Variants in COL3A1 observed in about 807,000 individuals in gnomAD.
COL3A1 encodes collagen alpha-1(III) chain.
A neutral mutation model predicts 200.9 loss-of-function variants in COL3A1; 46 were observed. The observed-to-expected ratio is 0.23, with a 90% CI of 0.18 to 0.29. The LOEUF is 0.29. Ranked by LOEUF, COL3A1 falls within the 10% of genes least tolerant of loss-of-function variation. The pLI, the probability that COL3A1 is intolerant of heterozygous loss-of-function variation, is 1.00. For synonymous variants in COL3A1, 650 were observed against 628.0 expected, an observed-to-expected ratio of 1.03 and a Z score of -0.52; for missense variants, 1,367 against 1,917.6, an observed-to-expected ratio of 0.71 and a Z score of 5.36.
intron 15 of COL3A1, 54 bp from the exon 16 acceptor site, chr2:188,993,307 G>T: frequency 7.0e-7 from 1 of 1,437,792 alleles, no homozygotes; most frequent in Non-Finnish European, 9.6e-7. Flanking sequence ...GGGTGAAGTG[G>T]CTAAGTGAGT....
At chr2:188,990,819 A>G (rs898854535) in intron 10 of COL3A1, among the ~76,000 whole-genome samples, 185 bp from the exon 11 acceptor site, 1 of 152,242 alleles carries the variant, frequency 6.6e-6, no homozygotes, top group African/African-American at 2.4e-5. Context: ...TCTAGTTTTC[A>G]TGTTTTCCTG....
intron 49 of COL3A1, 108 bp downstream of exon 49, chr2:189,010,473 C>T: frequency 6.7e-7 from 1 of 1,492,374 alleles, no homozygotes; most frequent in Non-Finnish European, 9.3e-7. Flanking sequence ...AACATAATTG[C>T]AGTTTTTGCT....
intron 1 of COL3A1, among the ~76,000 whole-genome samples, chr2:188,982,793 A>G (rs973072587): frequency 6.6e-6 from 1 of 151,896 alleles, no homozygotes; most frequent in African/African-American, 2.4e-5. Flanking sequence ...TAAGTGGTTC[A>G]TTTTGAGAAA....
At chr2:188,988,366 A>T (rs1466575922) in intron 6 of COL3A1, among the ~76,000 whole-genome samples, 1 of 152,160 alleles carries the variant, frequency 6.6e-6, no homozygotes, top group African/African-American at 2.4e-5. Flanking sequence ...ATTTGCATGT[A>T]ATATGACTTT....
intron 1 of COL3A1, among the ~76,000 whole-genome samples, chr2:188,982,406 C>A (rs1255959800): frequency 6.6e-6 from 1 of 151,626 alleles, no homozygotes; most frequent in Non-Finnish European, 1.5e-5. Context: ...TGTGAGGACA[C>A]CCTTAATGAG....
chr2:188,990,471 T>A, intron 10 of COL3A1, 111 bp downstream of exon 10: 1 of 923,290 alleles, frequency 1.1e-6, no homozygotes. Context: ...TGACAATTAA[T>A]TAATTTGATA....
In COL3A1 at chr2:188,996,110, A is replaced by T. The variant is rs773150275; in HGVS notation, c.1609-15A>T. The T allele has an allele frequency of 6.2e-7, 1 of 1,612,700 alleles. No homozygotes were observed. The highest frequency in any genetic ancestry group is 8.5e-7 in the Non-Finnish European group (1 of 1,179,044). ...TTCATTTTAAATCACCTAACAACTGACTTCTTTACTTCAGGGCATGCCCGG... is the reference window on the plus strand; with the variant it reads ...TTCATTTTAAATCACCTAACAACTGTCTTCTTTACTTCAGGGCATGCCCGG... On this transcript the variant is annotated splice_polypyrimidine_tract_variant and intron_variant, in intron 22 of 50. Transcript: ENST00000304636.
chr2:189,006,416 C>A lies in COL3A1; in HGVS notation c.3165C>A (p.Val1055=). The part of the protein sequence containing the change: ...APGHPGPPGP[V]GPAGKSGDRG... ...GTCATCCAGGCCCACCTGGTCCTGTCGGTCCAGCTGGAAAGAGTGGTGACA... is the reference window on the plus strand; with the variant it reads ...GTCATCCAGGCCCACCTGGTCCTGTAGGTCCAGCTGGAAAGAGTGGTGACA... Residue 1055 remains valine, a synonymous_variant, in exon 43 of 51, where the codon GTC becomes GTA. Coordinates refer to ENST00000304636, the MANE Select transcript of COL3A1 (RefSeq NM_000090.4). 6.2e-7 allele frequency: 1 copy of A among 1,613,992 alleles called. No individual in the cohort carries two copies. The highest frequency in any genetic ancestry group is 8.5e-7 in the Non-Finnish European group (1 of 1,179,938).
At position 188,994,194 on chromosome 2, in the gene COL3A1, T is replaced by C; in HGVS notation, c.1195-40T>C. ...TAAGTGAGATATTCATAAAAGAACA[T>C]TCAAGTTCGGCTAATATAGTGTCTT... is the stretch of plus-strand genomic sequence containing the variant. On this transcript the variant is annotated intron_variant, in intron 17 of 50. Transcript: ENST00000304636. The surrounding 1 kb of genome is among the most constrained non-coding windows in gnomAD (Gnocchi z 4.5). 6.2e-7 allele frequency: 1 copy of C among 1,612,188 alleles called. No homozygotes were observed. Among genetic ancestry groups the C allele is most frequent in the Non-Finnish European group, 8.5e-7 (1 of 1,178,220 alleles).
intron 47 of COL3A1, chr2:189,008,599 C>G: frequency 4.4e-6 from 2 of 456,002 alleles, no homozygotes; most frequent in South Asian, 4.8e-5. Context: ...AAATTACACT[C>G]CCCTCTGTCA....
chr2:189,003,657 C>T (rs1006242583), intron 37 of COL3A1, 77 bp from the exon 38 acceptor site: 150 of 1,496,132 alleles, frequency 1.0e-4, no homozygotes, highest in Non-Finnish European at 1.2e-4. Flanking sequence ...CAGATCATGC[C>T]ACACATTATA....
rs1319479140 is a variant in COL3A1, at chr2:188,991,077, A to G, written c.852+20A>G. The G allele has an allele frequency of 1.9e-6, 3 of 1,606,364 alleles. No homozygotes were observed. The highest frequency in any genetic ancestry group is 2.6e-6 in the Non-Finnish European group (3 of 1,173,604). On this transcript the variant is annotated intron_variant, in intron 11 of 50. Coordinates refer to ENST00000304636, the MANE Select transcript of COL3A1 (RefSeq NM_000090.4). ...TTAAAGGTAAATCACAACAAAAATC[A>G]TATTTTCATAAGTAAATTCATTAAA...
chr2:189,006,885 C>T lies in COL3A1; in HGVS notation c.3202-52C>T, dbSNP rs1688596310. The T allele has an allele frequency of 8.2e-6, 13 of 1,576,648 alleles. No homozygotes were observed. The East Asian group carries it at 2.9e-4, about 35-fold the overall frequency. Reference sequence around the variant, plus strand: ...ACTTTTGAAAACGAAATTGTGTCAACACATAAAACTAGTTCCGTGTATGTC... The same window carrying T: ...ACTTTTGAAAACGAAATTGTGTCAATACATAAAACTAGTTCCGTGTATGTC... On this transcript the variant is annotated intron_variant, in intron 43 of 50. Coordinates refer to ENST00000304636, the MANE Select transcript of COL3A1 (RefSeq NM_000090.4).
chr2:188,991,839 A>G, intron 13 of COL3A1, 117 bp downstream of exon 13: 1 of 957,124 alleles, frequency 1.0e-6, no homozygotes, highest in South Asian at 1.3e-5. Flanking sequence ...ACAAAATTAT[A>G]CTCAATGATA....
At chr2:189,002,747 GCA>G (rs1279964036) in intron 35 of COL3A1, among the ~76,000 whole-genome samples, 1 of 152,112 alleles carries the variant, frequency 6.6e-6, no homozygotes, top group Non-Finnish European at 1.5e-5. Context: ...GGCAAATAAT[GCA>G]CAGTTTATGC....
chr2:189,008,953 C>T lies in COL3A1; in HGVS notation c.3555C>T (p.Gly1185=). The part of the protein sequence containing the change: ...EGSPGHPGQP[G]PPGPPGAPGP... Reference sequence around the variant, plus strand: ...CCCCAGGCCACCCAGGGCAACCAGGCCCTCCTGGACCTCCTGGTGCCCCTG... The same window carrying T: ...CCCCAGGCCACCCAGGGCAACCAGGTCCTCCTGGACCTCCTGGTGCCCCTG... The change falls in exon 48 of 51, where the codon GGC becomes GGT. Residue 1185 remains glycine (G), a synonymous_variant. Coordinates refer to ENST00000304636, the MANE Select transcript of COL3A1 (RefSeq NM_000090.4). 1.2e-6 allele frequency: 2 copies of T among 1,614,104 alleles called. No homozygotes were observed. The highest frequency in any genetic ancestry group is 2.2e-5 in the South Asian group (2 of 91,084).
In COL3A1 at chr2:188,996,490, A is replaced by G; in HGVS notation, c.1755A>G (p.Gly585=). Residue 585 remains glycine (G), a synonymous_variant, in exon 24 of 51, where the codon GGA becomes GGG. Coordinates refer to ENST00000304636, the MANE Select transcript of COL3A1 (RefSeq NM_000090.4). ...TCATGGGCTTCCCCGGTCCTAAAGG[A>G]AATGATGTGAGTTCCTTCATTAATT... ...PGVMGFPGPK[G]NDGAPGKNGE... 1 of 1,613,382 alleles carries G rather than the reference A, an allele frequency of 6.2e-7. No homozygotes were observed.
Position 188,992,889 on chromosome 2 carries a change from C to T in COL3A1, c.999C>T (p.Gly333=). 6.2e-7 allele frequency: 1 copy of T among 1,613,818 alleles called. No homozygotes were observed. The highest frequency in any genetic ancestry group is 8.5e-7 in the Non-Finnish European group (1 of 1,179,846). The part of the protein sequence containing the change: ...DGARGSDGQP[G]PPGPPGTAGF... ...GAAATTGTATTTAATTTTTTCAGGG[C>T]CCTCCTGGTCCTCCTGGAACTGCCG... Residue 333 remains glycine, a splice_region_variant and synonymous_variant, in exon 15 of 51, where the codon GGC becomes GGT. Transcript: ENST00000304636.
At chr2:189,003,203 G>GTAATTTAA (rs1688509014) in intron 36 of COL3A1, 141 bp downstream of exon 36, 1 of 820,860 alleles carries the variant, frequency 1.2e-6, no homozygotes, top group Non-Finnish European at 2.0e-6. Flanking sequence ...AGGTTTATCA[G>GTAATTTAA]TAATTTAATA....
Sources: allele counts gnomAD v4.1 joint callset (sites outside exome capture counted in the v4.1 genomes callset), GRCh38; gene constraint gnomAD v4.1.1; non-coding constraint Gnocchi (gnomAD v3.1); transcripts MANE v1.5; gene names NCBI Gene and HGNC (gene_info 2026-07-23, HGNC 2026-07-21).